POLA2: variants seen among roughly 807,000 people sequenced by gnomAD.
POLA2 encodes DNA polymerase alpha subunit B.
A neutral mutation model predicts 82.8 loss-of-function variants in POLA2; 47 were observed. That is an observed-to-expected ratio of 0.57 (90% confidence interval 0.45 to 0.72). The LOEUF is 0.72. Among genes scored for constraint, POLA2 ranks in the 30% least tolerant of loss-of-function variants. The pLI, the probability that POLA2 is intolerant of heterozygous loss-of-function variation, is 0.00. For missense variants in POLA2, 634 were observed against 728.1 expected, an observed-to-expected ratio of 0.87 and a Z score of 1.49; for synonymous variants, 287 against 286.8, an observed-to-expected ratio of 1.00 and a Z score of -0.01.
Position 65,297,346 on chromosome 11 carries a change from AAG to A in POLA2, c.*78_*79del, listed in dbSNP as rs904332816. On this transcript the variant is annotated 3_prime_UTR_variant, in exon 18 of 18. Transcript: ENST00000265465. The stretch of plus-strand genomic sequence containing the variant: ...AAGAGCCAAGACATAGCCCTGTGAC[AAG>A]GTGAACAGTTGGGTGGGAAAGGAGA... 1.2e-4 allele frequency: 181 copies of A among 1,466,392 alleles called. No individual in the cohort carries two copies. Among genetic ancestry groups the A allele is most frequent in the East Asian group, 2.4e-4 (10 of 41,226 alleles). The allele number at this position is 1,466,392 out of a possible 1,614,324, so 90.8% of individuals were successfully genotyped here.
chr11:65,287,379 G>A (rs1292984515), intron 10 of POLA2, among the ~76,000 whole-genome samples: 2 of 152,070 alleles, frequency 1.3e-5, no homozygotes, highest in African/African-American at 4.8e-5. Flanking sequence ...ACCCTGCCTT[G>A]CCCTTGATCC....
At chr11:65,296,489 C>G (rs564239181) in intron 17 of POLA2, 1 of 158,946 alleles carries the variant, frequency 6.3e-6, no homozygotes, top group Non-Finnish European at 1.4e-5. Context: ...AGAGTTAGTT[C>G]AATCTCAAGA....
At chr11:65,285,215 C>A (rs1949683537) in intron 10 of POLA2, among the ~76,000 whole-genome samples, 1 of 152,004 alleles carries the variant, frequency 6.6e-6, no homozygotes, top group Non-Finnish European at 1.5e-5. Flanking sequence ...ACCATTCTGG[C>A]CAACAAGCTG....
intron 1 of POLA2, among the ~76,000 whole-genome samples, chr11:65,264,701 A>C (rs1319483795): frequency 6.6e-6 from 1 of 152,220 alleles, no homozygotes; most frequent in African/African-American, 2.4e-5. Context: ...TATTATAATG[A>C]ATAAGCTTTC....
intron 10 of POLA2, among the ~76,000 whole-genome samples, chr11:65,284,156 T>C (rs1030814940): frequency 2.6e-5 from 4 of 151,470 alleles, no homozygotes; most frequent in Non-Finnish European, 4.4e-5. Flanking sequence ...GATAGATAGA[T>C]AGATAGATAG....
chr11:65,287,156 G>A (rs1250398631), intron 10 of POLA2, among the ~76,000 whole-genome samples: 1 of 152,110 alleles, frequency 6.6e-6, no homozygotes, highest in East Asian at 1.9e-4. Flanking sequence ...TGGAGGGATG[G>A]GCTGATTCTC....
chr11:65,266,764 G>T, intron 2 of POLA2, 58 bp downstream of exon 2: 1 of 1,582,988 alleles, frequency 6.3e-7, no homozygotes, highest in Non-Finnish European at 8.7e-7. Flanking sequence ...CTCTACAGGG[G>T]AGGCATTGTG....
In POLA2 at chr11:65,262,314, C is replaced by G; in HGVS notation, c.22C>G (p.Leu8Val). 6.2e-7 allele frequency: 1 copy of G among 1,613,584 alleles called. No homozygotes were observed. The highest frequency in any genetic ancestry group is 8.5e-7 in the Non-Finnish European group (1 of 1,179,746). The stretch of plus-strand genomic sequence containing the variant: ...GACCATGTCCGCATCCGCCCAGCAG[C>G]TGGCGGAGGAGCTGCAGATCTTCGG... MSASAQQ[L>V]AEELQIFGLD... Residue 8 changes from leucine (L) to valine (V), a missense_variant, in exon 1 of 18, where the codon CTG (leucine) becomes GTG (valine). Leu to Val is a conservative substitution (Grantham distance 32). Coordinates refer to ENST00000265465, the MANE Select transcript of POLA2 (RefSeq NM_002689.4).
chr11:65,301,826 C>T (rs1590915003), downstream of POLA2, among the ~76,000 whole-genome samples: 1 of 152,310 alleles, frequency 6.6e-6, no homozygotes, highest in South Asian at 2.1e-4. Flanking sequence ...CATTTGGGAC[C>T]TTCTGTCACC....
At chr11:65,265,674 C>T (rs1243013722) in intron 1 of POLA2, among the ~76,000 whole-genome samples, 1 of 152,134 alleles carries the variant, frequency 6.6e-6, no homozygotes, top group Admixed American at 6.6e-5. Context: ...GAAACGGTTT[C>T]ACCCTGTTGC....
At chr11:65,292,235 C>CAGAAAA (rs1375910491) in intron 13 of POLA2, among the ~76,000 whole-genome samples, 1 of 152,124 alleles carries the variant, frequency 6.6e-6, no homozygotes, top group Non-Finnish European at 1.5e-5. Context: ...GACTCCATCT[C>CAGAAAA]AGAAAAAGAA....
downstream of POLA2, among the ~76,000 whole-genome samples, chr11:65,300,951 A>G (rs1949856370): frequency 1.3e-5 from 2 of 152,202 alleles, no homozygotes; most frequent in Non-Finnish European, 2.9e-5. Context: ...TCAGTCCGCC[A>G]TTCTTTTTTA....
intron 14 of POLA2, 32 bp from the exon 15 acceptor site, chr11:65,294,514 C>A: frequency 6.4e-7 from 1 of 1,562,406 alleles, no homozygotes; most frequent in Non-Finnish European, 8.8e-7. Context: ...CTTTGGCATA[C>A]AAATGTTTGT....
intron 4 of POLA2, 54 bp from the exon 5 acceptor site, chr11:65,275,838 A>T: frequency 4.1e-6 from 4 of 972,728 alleles, no homozygotes; most frequent in Admixed American, 1.9e-5. Flanking sequence ...CTATACACTT[A>T]ATTAGTATTG....
intron 12 of POLA2, 94 bp downstream of exon 12, chr11:65,289,182 AAC>A: frequency 4.2e-6 from 4 of 963,410 alleles, no homozygotes; most frequent in Non-Finnish European, 6.5e-6. Flanking sequence ...ATCTGTAACA[AAC>A]ACATTAAGTC....
At chr11:65,277,807 T>G (rs482842) in intron 5 of POLA2, among the ~76,000 whole-genome samples, 22,177 of 152,232 alleles carry the variant, frequency 0.15, 1,712 homozygotes, top group South Asian at 0.21. Flanking sequence ...CATTTTTTAA[T>G]GCACACTAAT....
chr11:65,268,957 A>G (rs1949492267), intron 4 of POLA2, among the ~76,000 whole-genome samples: 1 of 152,200 alleles, frequency 6.6e-6, no homozygotes, highest in Non-Finnish European at 1.5e-5. Context: ...ACATTTCTAT[A>G]AACATAATTT....
rs1310196343 is a variant in POLA2 at position 65,290,564 on chromosome 11, C to CT, written c.1244+695dup. 2.6e-5 allele frequency among the ~76,000 whole-genome samples: 4 copies of CT among 152,150 alleles called. No homozygotes were observed. The East Asian group carries it at 5.8e-4, about 22-fold the overall frequency. On this transcript the variant is annotated intron_variant, in intron 13 of 17. Coordinates refer to ENST00000265465, the MANE Select transcript of POLA2 (RefSeq NM_002689.4). ...AAAAAAAATCATGGCAGTTCCTATT[C>CT]TTTCCTTCCTTTTGAACTACCGAGA...
intron 11 of POLA2, 108 bp from the exon 12 acceptor site, chr11:65,288,942 G>T: frequency 9.5e-7 from 1 of 1,052,216 alleles, no homozygotes; most frequent in Non-Finnish European, 1.5e-6. Context: ...GCCTTGGAGG[G>T]ACAGATGAGC....
Sources: allele counts gnomAD v4.1 joint callset (sites outside exome capture counted in the v4.1 genomes callset), GRCh38; gene constraint gnomAD v4.1.1; transcripts MANE v1.5; gene names NCBI Gene and HGNC (gene_info 2026-07-23, HGNC 2026-07-21).